AKAP9: variants seen among roughly 807,000 people sequenced by gnomAD.
AKAP9 encodes the protein A-kinase anchoring protein 9.
AKAP9 carries 311 observed loss-of-function variants against 488.5 expected under a neutral mutation model. The observed-to-expected ratio is 0.64, with a 90% CI of 0.58 to 0.70. AKAP9 has a LOEUF of 0.70. Ranked by LOEUF, AKAP9 falls within the 30% of genes least tolerant of loss-of-function variation. The pLI is 0.00. For synonymous variants in AKAP9, 1,462 were observed against 1,483.5 expected (o/e 0.99, Z 0.33); for missense variants, 4,215 against 4,374.5 (o/e 0.96, Z 1.03).
intron 45 of AKAP9, among the ~76,000 whole-genome samples, chr7:92,101,488 T>C (rs1200654538): frequency 2.0e-5 from 3 of 152,128 alleles, no homozygotes; most frequent in Non-Finnish European, 2.9e-5. Context: ...CTAGGTCTTT[T>C]TATTCAGTCT....
chr7:92,083,613 T>C lies in AKAP9; in HGVS notation c.8604T>C (p.Cys2868=), dbSNP rs1407025000. ...CCGTTCAGTTACTGAAAGAGGAATG[T>C]GGTACCTTGAAGGCAGTGATACAGT... ...YVAVQLLKEE[C]GTLKAVIQCL... Residue 2868 remains cysteine, a synonymous_variant, in exon 33 of 50, where the codon TGT becomes TGC. Transcript: ENST00000356239. 6.2e-7 allele frequency: 1 copy of C among 1,606,960 alleles called. No homozygotes were observed. Among genetic ancestry groups the C allele is most frequent in the Non-Finnish European group, 8.5e-7 (1 of 1,178,218 alleles).
At chr7:91,995,454 A>G in intron 6 of AKAP9, 149 bp from the exon 7 acceptor site, 1 of 655,754 alleles carries the variant, frequency 1.5e-6, no homozygotes, top group Non-Finnish European at 2.6e-6. Context: ...GCTTGGGTAT[A>G]CCTATCTAGT....
chr7:92,065,598 A>G (rs1810645478), intron 25 of AKAP9, 135 bp downstream of exon 25: 2 of 638,966 alleles, frequency 3.1e-6, no homozygotes, highest in African/African-American at 3.7e-5. Context: ...GAATCTACTA[A>G]TCGATCAAAA....
chr7:92,018,877 C>A, intron 12 of AKAP9, among the ~76,000 whole-genome samples: 1 of 152,238 alleles, frequency 6.6e-6, no homozygotes, highest in East Asian at 1.9e-4. Flanking sequence ...ACTCAAAAAT[C>A]TTTTAGGTAT....
In AKAP9 at chr7:92,002,249, A is replaced by G. The variant is rs1799265779; in HGVS notation, c.2332A>G (p.Ser778Gly). 1 of 1,600,588 alleles carries G rather than the reference A, an allele frequency of 6.2e-7. No individual in the cohort carries two copies. The highest frequency in any genetic ancestry group is 1.2e-5 in the South Asian group (1 of 86,700). Reference sequence around the variant, plus strand: ...ATTTGCACAACTTGAAGCAGAGAATAGCATTCTTAAAGATGAAAAGAAAAC... The same window carrying G: ...ATTTGCACAACTTGAAGCAGAGAATGGCATTCTTAAAGATGAAAAGAAAAC... ...EKFAQLEAENSILKDEKKTLE... is the reference protein window; with the variant it reads ...EKFAQLEAENGILKDEKKTLE... Residue 778 changes from serine (S) to glycine (G), a missense_variant, in exon 8 of 50, where the codon AGC becomes GGC. Transcript: ENST00000356239.
rs142632541 is a variant in AKAP9 at position 91,992,943 on chromosome 7, C to A, written c.464C>A (p.Thr155Asn). 3.6e-5 allele frequency: 58 copies of A among 1,614,006 alleles called. No homozygotes were observed. In the African/African-American group the frequency reaches 6.1e-4, roughly 17 times the overall value. Residue 155 changes from threonine to asparagine, a missense_variant, in exon 5 of 50, where the codon ACT becomes AAT. Thr to Asn is a moderately conservative substitution (Grantham distance 65). Transcript: ENST00000356239. The stretch of plus-strand genomic sequence containing the variant: ...GAACAAGGAGCACAAGACAGTCCGA[C>A]TCATCTAGAGATGATGGAAAGTGAG... ...YSEQGAQDSP[T>N]HLEMMESELA...
intron 38 of AKAP9, chr7:92,090,484 G>T (rs946851655): frequency 2.0e-5 from 3 of 152,194 alleles, no homozygotes; most frequent in Non-Finnish European, 4.4e-5. Flanking sequence ...TTAGCCAGGC[G>T]TGGTGGCGGG....
intron 3 of AKAP9, among the ~76,000 whole-genome samples, chr7:91,985,104 T>C (rs1455763690): frequency 6.6e-6 from 1 of 152,232 alleles, no homozygotes; most frequent in Non-Finnish European, 1.5e-5. Context: ...ATACCCTTTA[T>C]TTCTTTCTCT....
chr7:91,979,074 G>A (rs926487044), intron 2 of AKAP9, among the ~76,000 whole-genome samples: 7 of 151,444 alleles, frequency 4.6e-5, no homozygotes, highest in Admixed American at 4.6e-4. Context: ...CACCACACCT[G>A]GCCGAACTTT....
At chr7:92,038,805 T>C (rs748454835) in intron 17 of AKAP9, 33 bp downstream of exon 17, 12 of 1,460,126 alleles carry the variant, frequency 8.2e-6, no homozygotes, top group Non-Finnish European at 1.0e-5. Context: ...AAAAAACTTA[T>C]TTAAAAATTG....
chr7:91,973,458 T>A (rs1795320684), intron 1 of AKAP9, among the ~76,000 whole-genome samples: 1 of 152,186 alleles, frequency 6.6e-6, no homozygotes, highest in African/African-American at 2.4e-5. Context: ...TCTGCCTAAT[T>A]CTGGGCTTAT....
chr7:92,079,339 A>T lies in AKAP9; in HGVS notation c.7206A>T (p.Val2402=). ...IAEKLALEQQ[V]ETANEEMTFM... is the part of the protein sequence containing the mutation. ...AAAAGCTGGCCTTGGAACAGCAAGTAGAAACCGCTAATGAAGAAATGACCT... is the reference window on the plus strand; with the variant it reads ...AAAAGCTGGCCTTGGAACAGCAAGTTGAAACCGCTAATGAAGAAATGACCT... Residue 2402 remains valine, a synonymous_variant, in exon 31 of 50, where the codon GTA becomes GTT. Coordinates refer to ENST00000356239, the MANE Select transcript of AKAP9 (RefSeq NM_005751.5). 2 of 1,614,082 alleles carry T rather than the reference A, an allele frequency of 1.2e-6. No individual in the cohort carries two copies. The highest frequency in any genetic ancestry group is 1.7e-6 in the Non-Finnish European group (2 of 1,180,010).
In AKAP9 at chr7:92,083,426, T is replaced by C; in HGVS notation, c.8417T>C (p.Ile2806Thr). Reference protein sequence around the residue: ...QILVKNAGIQINLQSECSSEE... With the variant: ...QILVKNAGIQTNLQSECSSEE... ...CTTGTTAAAAATGCAGGAATACAAA[T>C]TAATTTACAGAGTGAATGTTCCTCA... Residue 2806 changes from isoleucine to threonine, a missense_variant, in exon 33 of 50, where the codon ATT (isoleucine) becomes ACT (threonine). Coordinates refer to ENST00000356239, the MANE Select transcript of AKAP9 (RefSeq NM_005751.5). The C allele has an allele frequency of 6.2e-7, 1 of 1,613,982 alleles. No homozygotes were observed. Among genetic ancestry groups the C allele is most frequent in the Non-Finnish European group, 8.5e-7 (1 of 1,179,968 alleles).
chr7:92,077,092 C>CTTTTTTTTTTTTTTT (rs201649179), intron 29 of AKAP9, 85 bp downstream of exon 29: 4 of 296,970 alleles, frequency 1.3e-5, no homozygotes, highest in African/African-American at 3.1e-5. Context: ...ATTATTATTT[C>CTTTTTTTTTTTTTTT]TTTCTTTTTT....
chr7:92,016,399 C>G (rs1349956016), intron 11 of AKAP9, 132 bp downstream of exon 11: 1 of 651,254 alleles, frequency 1.5e-6, no homozygotes. Flanking sequence ...ATCCTCCTTT[C>G]AGATTCATGA....
rs1157417207 is a variant in AKAP9, at chr7:92,102,709, C to T, written c.11213C>T (p.Ala3738Val). The change falls in exon 46 of 50, where the codon GCC (alanine) becomes GTC (valine). Residue 3738 changes from alanine to valine, a missense_variant. By Grantham distance (64) the Ala-to-Val change is moderately conservative. Around this residue, in one of 5 missense-constraint regions of AKAP9, gnomAD observed 253 missense variants for 266.8 expected, o/e 0.95. Transcript: ENST00000356239. ...CAGGAATGTGAAGATGCCACCTTGG[C>T]CCTGCTTGCCCGGATGGGGGGGCAG... Reference protein sequence around the residue: ...GFQECEDATLALLARMGGQPA... With the variant: ...GFQECEDATLVLLARMGGQPA... The T allele has an allele frequency of 1.1e-5, 18 of 1,614,196 alleles. No homozygotes were observed. The highest frequency in any genetic ancestry group is 1.5e-5 in the Non-Finnish European group (18 of 1,180,036).
At chr7:91,968,476 T>A (rs1239771795) in intron 1 of AKAP9, among the ~76,000 whole-genome samples, 1 of 152,208 alleles carries the variant, frequency 6.6e-6, no homozygotes, top group Non-Finnish European at 1.5e-5. Flanking sequence ...TTATTTGACC[T>A]TTCTCCTTTT....
intron 1 of AKAP9, among the ~76,000 whole-genome samples, chr7:91,964,127 A>T (rs1206497480): frequency 6.6e-6 from 1 of 152,192 alleles, no homozygotes; most frequent in African/African-American, 2.4e-5. Context: ...AATACCTGTA[A>T]TCTCAAGTCA....
chr7:91,993,785 A>T (rs1244530060), intron 5 of AKAP9, among the ~76,000 whole-genome samples: 4 of 152,222 alleles, frequency 2.6e-5, no homozygotes, highest in Non-Finnish European at 4.4e-5. Context: ...TCAGCCTGAG[A>T]GAAAATTATG....
Sources: gnomAD v4.1 joint callset for allele counts (sites outside exome capture counted in the v4.1 genomes callset) on GRCh38, gnomAD v4.1.1 for gene constraint, gnomAD v4.1.1 regional missense constraint, MANE v1.5 for transcripts, NCBI Gene and HGNC (gene_info 2026-07-23, HGNC 2026-07-21) for gene names.